MEGF10: variants seen among roughly 807,000 people sequenced by gnomAD.
MEGF10 encodes the protein multiple EGF like domains 10.
Under a neutral mutation model 147.5 loss-of-function variants are expected in MEGF10, and 86 were observed. That is an observed-to-expected ratio of 0.58 (90% CI 0.49 to 0.70). The LOEUF (loss-of-function observed/expected upper bound fraction) is 0.70. MEGF10 is among the 30% of genes least tolerant of loss of function. The pLI is 0.00. For synonymous variants in MEGF10, 478 were observed against 525.5 expected, an observed-to-expected ratio of 0.91 and a Z score of 1.24; for missense variants, 1,329 against 1,487.3, an observed-to-expected ratio of 0.89 and a Z score of 1.75.
At chr5:127,317,463 T>A (rs1461763865) in intron 1 of MEGF10, among the ~76,000 whole-genome samples, 1 of 152,326 alleles carries the variant, frequency 6.6e-6, no homozygotes, top group Non-Finnish European at 1.5e-5. Context: ...GGTCTAACAT[T>A]TAATCCATCT....
intron 9 of MEGF10, among the ~76,000 whole-genome samples, chr5:127,417,039 A>G (rs1352361491): frequency 6.6e-6 from 1 of 152,222 alleles, no homozygotes; most frequent in Non-Finnish European, 1.5e-5. Context: ...AGTGGTGAGA[A>G]GCACATGTGT....
chr5:127,283,367 A>T, the MEGF10 span, among the ~76,000 whole-genome samples: 1 of 152,216 alleles, frequency 6.6e-6, no homozygotes, highest in Admixed American at 6.5e-5. Flanking sequence ...TTTCAGGAAG[A>T]TATTCATGTC....
the MEGF10 span, among the ~76,000 whole-genome samples, chr5:127,237,991 T>C: frequency 1.3e-5 from 2 of 151,220 alleles, no homozygotes; most frequent in Non-Finnish European, 2.9e-5. Flanking sequence ...TGTTGACATT[T>C]TACCATATTA....
At chr5:127,407,677 C>T (rs957847902) in intron 8 of MEGF10, among the ~76,000 whole-genome samples, 2 of 152,098 alleles carry the variant, frequency 1.3e-5, no homozygotes, top group Non-Finnish European at 2.9e-5. Flanking sequence ...GCTTCTGTTC[C>T]ATTTGGAACC....
In MEGF10 at chr5:127,367,636, C is replaced by T. The variant is rs17673254; in HGVS notation, c.320-2274C>T. On this transcript the variant is annotated intron_variant, in intron 4 of 24. Coordinates refer to ENST00000503335, the MANE Select transcript of MEGF10 (RefSeq NM_001256545.2). ...ATTTCTGTGTTTTGGTTTAAATGCA[C>T]GGTGTCAAAGAAGTCTTGTTTCACT... Among the ~76,000 whole-genome samples, 692 of 152,204 alleles carry T rather than the reference C, an allele frequency of 4.5e-3. 2 individuals carry two copies. Among genetic ancestry groups the T allele is most frequent in the Non-Finnish European group, 7.1e-3 (483 of 68,004 alleles).
At chr5:127,422,957 A>C (rs1163273042) in intron 13 of MEGF10, among the ~76,000 whole-genome samples, 185 bp downstream of exon 13, 1 of 152,226 alleles carries the variant, frequency 6.6e-6, no homozygotes, top group Non-Finnish European at 1.5e-5. Flanking sequence ...TGATTTGTGT[A>C]GGGGCAGTTC....
At chr5:127,395,785 C>T (rs1263703632) in intron 5 of MEGF10, among the ~76,000 whole-genome samples, 1 of 152,028 alleles carries the variant, frequency 6.6e-6, no homozygotes, top group Non-Finnish European at 1.5e-5. Context: ...ACCTCGTGAT[C>T]CTCCCGTCTC....
At chr5:127,322,122 C>T (rs907923611) in intron 1 of MEGF10, among the ~76,000 whole-genome samples, 1 of 150,882 alleles carries the variant, frequency 6.6e-6, no homozygotes, top group Non-Finnish European at 1.5e-5. Flanking sequence ...AAAAAAAAAG[C>T]CCTAAGTCTT....
intron 1 of MEGF10, among the ~76,000 whole-genome samples, chr5:127,310,977 C>T (rs926230011): frequency 6.6e-6 from 1 of 152,176 alleles, no homozygotes; most frequent in African/African-American, 2.4e-5. Flanking sequence ...CTAGCTGAAC[C>T]TCTAAGGAAC....
At chr5:127,237,502 A>T in the MEGF10 span, among the ~76,000 whole-genome samples, 1 of 152,130 alleles carries the variant, frequency 6.6e-6, no homozygotes, top group Non-Finnish European at 1.5e-5. Flanking sequence ...CAAAAAAATA[A>T]AAAAAAGTTA....
the MEGF10 span, among the ~76,000 whole-genome samples, chr5:127,257,308 A>T: frequency 2.2e-4 from 9 of 41,486 alleles, no homozygotes; most frequent in East Asian, 2.5e-3. Context: ...TCTTTTTATT[A>T]AAAAAAAAAA....
intron 1 of MEGF10, among the ~76,000 whole-genome samples, chr5:127,322,417 G>C (rs181152234): frequency 7.9e-5 from 12 of 152,190 alleles, no homozygotes; most frequent in Non-Finnish European, 1.3e-4. Flanking sequence ...CATCTACCCA[G>C]CAAAAAGTTT....
At chr5:127,270,765 A>G in the MEGF10 span, among the ~76,000 whole-genome samples, 3 of 151,818 alleles carry the variant, frequency 2.0e-5, no homozygotes, top group Non-Finnish European at 2.9e-5. Context: ...TTCCCCTGCC[A>G]TGTGCCCATG....
At chr5:127,434,910 G>T in intron 15 of MEGF10, 89 bp downstream of exon 15, 1 of 1,486,186 alleles carries the variant, frequency 6.7e-7, no homozygotes, top group African/African-American at 1.4e-5. Context: ...CTTCCTGAAG[G>T]CCATGTTTTC....
rs1765730126 is a variant in MEGF10, at chr5:127,440,833, C to A, written c.2328C>A (p.Cys776Ter). 2 of 1,613,988 alleles carry A rather than the reference C, an allele frequency of 1.2e-6. No individual in the cohort carries two copies. The highest frequency in any genetic ancestry group is 1.7e-6 in the Non-Finnish European group (2 of 1,179,974). The change falls in exon 18 of 25, where the codon TGC (cysteine) becomes TGA (stop). Residue 776 changes from cysteine (C) to a stop codon, truncating the protein, a stop_gained. Coordinates refer to ENST00000503335, the MANE Select transcript of MEGF10 (RefSeq NM_001256545.2). LOFTEE classifies it high-confidence loss of function. ...DCDHISGQCTCRTGFMGRHCE... is the reference protein window; with the variant it reads ...DCDHISGQCT ...ACCACATTTCTGGGCAGTGTACTTG[C>A]CGCACTGGATTCATGGGACGGCACT...
chr5:127,444,899 CAT>C (rs899175531), intron 19 of MEGF10: 2 of 152,976 alleles, frequency 1.3e-5, no homozygotes, highest in Non-Finnish European at 2.9e-5. Flanking sequence ...TAAGGATAGA[CAT>C]AAAATTTGGT....
chr5:127,247,334 A>G, the MEGF10 span, among the ~76,000 whole-genome samples: 4 of 2,588 alleles, frequency 1.5e-3, no homozygotes, highest in Admixed American at 6.8e-3. Flanking sequence ...AAGAAGAAGA[A>G]GAAGAAGAAG....
the MEGF10 span, among the ~76,000 whole-genome samples, chr5:127,239,931 C>G: frequency 2.6e-5 from 4 of 152,174 alleles, no homozygotes; most frequent in Non-Finnish European, 4.4e-5. Context: ...CTACTATTTT[C>G]CCTTGCCTGG....
the MEGF10 span, among the ~76,000 whole-genome samples, chr5:127,273,831 A>G: frequency 5.9e-5 from 9 of 152,242 alleles, no homozygotes; most frequent in Non-Finnish European, 8.8e-5. Flanking sequence ...CAGGCAGCAT[A>G]TAGGTACTTT....
Sources: allele counts gnomAD v4.1 joint callset (sites outside exome capture counted in the v4.1 genomes callset), GRCh38; gene constraint gnomAD v4.1.1; transcripts MANE v1.5; gene names NCBI Gene and HGNC (gene_info 2026-07-23, HGNC 2026-07-21).